The following RPP40 variants were observed in gnomAD, a reference collection of about 807,000 sequenced individuals.
RPP40 encodes the protein ribonuclease P/MRP subunit p40.
A neutral mutation model predicts 42.5 loss-of-function variants in RPP40; 30 were observed. The observed-to-expected ratio is 0.71, with a 90% CI of 0.53 to 0.96. RPP40 has a LOEUF of 0.96. RPP40 is among the 40% of genes least tolerant of loss of function. The probability of loss-of-function intolerance (pLI) is 0.00; values close to 1 mark genes in which losing one functional copy is unlikely to be tolerated. For missense variants in RPP40, 426 were observed against 433.5 expected (o/e 0.98, Z 0.15); for synonymous variants, 173 against 164.0 (o/e 1.05, Z -0.42).
At position 4,994,926 on chromosome 6, in the gene RPP40, A is replaced by C; in HGVS notation, c.*152T>G. The C allele has an allele frequency of 1.5e-6, 1 of 652,106 alleles. No homozygotes were observed. The highest frequency in any genetic ancestry group is 2.6e-6 in the Non-Finnish European group (1 of 384,164). The allele number at this position is 652,106 out of a possible 1,614,324, so 40.4% of individuals were successfully genotyped here. ...ACAGCAGGCCTTGCTGCCATCACAGATGGGTCTCAGGTGCAGGGCAGGATG... is the reference window on the plus strand; with the variant it reads ...ACAGCAGGCCTTGCTGCCATCACAGCTGGGTCTCAGGTGCAGGGCAGGATG... On this transcript the variant is annotated 3_prime_UTR_variant, in exon 8 of 8. Coordinates refer to ENST00000380051, the MANE Select transcript of RPP40 (RefSeq NM_006638.4).
chr6:4,994,386 TA>T (rs1199483901), downstream of RPP40, among the ~76,000 whole-genome samples: 3 of 112,652 alleles, frequency 2.7e-5, no homozygotes, highest in Admixed American at 9.3e-5. Flanking sequence ...CCCTAAAACT[TA>T]AAGTATAATA....
intron 4 of RPP40, among the ~76,000 whole-genome samples, chr6:4,999,533 ATGATCCGCCCGCCT>A (rs1759483645): frequency 1.3e-5 from 2 of 152,066 alleles, no homozygotes; most frequent in East Asian, 3.9e-4. Context: ...TCTTGACCTC[ATGATCCGCCCGCCT>A]TGGCCTGCCA....
Position 4,996,041 on chromosome 6 carries a change from T to A in RPP40, c.803A>T (p.Glu268Val). The A allele has an allele frequency of 6.2e-7, 1 of 1,614,110 alleles. No homozygotes were observed. The highest frequency in any genetic ancestry group is 8.5e-7 in the Non-Finnish European group (1 of 1,179,966). Residue 268 changes from glutamate (E) to valine (V), a missense_variant, in exon 7 of 8, where the codon GAG becomes GTG. By Grantham distance (121) the Glu-to-Val change is moderately radical. Transcript: ENST00000380051. ...AGCTTTTGCCACCACTGTGCTTGGC[T>A]CAGGACAGCAATAGGTTGATATGAA... Reference protein sequence around the residue: ...NNFISTYCCPEPSTVVAKAYL... With the variant: ...NNFISTYCCPVPSTVVAKAYL...
chr6:5,000,274 G>C (rs577528292), intron 3 of RPP40, among the ~76,000 whole-genome samples: 3 of 151,636 alleles, frequency 2.0e-5, no homozygotes, highest in Non-Finnish European at 4.4e-5. Flanking sequence ...TGCAACCTCC[G>C]CCTCCCAGGT....
In RPP40 at chr6:4,999,866, C is replaced by G. The variant is rs1759498471; in HGVS notation, c.376G>C (p.Glu126Gln). The change falls in exon 4 of 8, where the codon GAA (glutamate) becomes CAA (glutamine). Residue 126 changes from glutamate (E) to glutamine (Q), a missense_variant. Coordinates refer to ENST00000380051, the MANE Select transcript of RPP40 (RefSeq NM_006638.4). ...GATGGATGACCCTGAAGTCCAGTTTCTTCATAAGTGTCTTTATCCAGTGAC... is the reference window on the plus strand; with the variant it reads ...GATGGATGACCCTGAAGTCCAGTTTGTTCATAAGTGTCTTTATCCAGTGAC... ...ILSLDKDTYE[E>Q]TGLQGHPSQF... 1 of 1,609,540 alleles carries G rather than the reference C, an allele frequency of 6.2e-7. No homozygotes were observed. The highest frequency in any genetic ancestry group is 8.5e-7 in the Non-Finnish European group (1 of 1,176,402).
chr6:4,991,482 T>A (rs1418409748), downstream of RPP40, among the ~76,000 whole-genome samples: 2 of 152,146 alleles, frequency 1.3e-5, no homozygotes, highest in African/African-American at 2.4e-5. Context: ...TCAAGAAAAA[T>A]TTTCTGCTAT....
At position 4,998,781 on chromosome 6, in the gene RPP40, A is replaced by ATTCT; in HGVS notation, c.490_493dup (p.Ile165LysfsTer15). 1 of 1,527,600 alleles carries ATTCT rather than the reference A, an allele frequency of 6.5e-7. No homozygotes were observed. The highest frequency in any genetic ancestry group is 1.9e-5 in the Admixed American group (1 of 52,712). 94.6% of individuals were successfully genotyped at this position (1,527,600 alleles called of 1,614,324 possible). On this transcript the variant is annotated frameshift_variant, in exon 5 of 8. Coordinates refer to ENST00000380051, the MANE Select transcript of RPP40 (RefSeq NM_006638.4). LOFTEE classifies it high-confidence loss of function. ...CTTCTTTTCTTTGAAAGACCAAGAT[A>ATTCT]TTCTTTCATACTTCTTAGAATCCAA...
At chr6:4,995,494 A>G (rs1430713840) in intron 7 of RPP40, among the ~76,000 whole-genome samples, 1 of 152,242 alleles carries the variant, frequency 6.6e-6, no homozygotes, top group African/African-American at 2.4e-5. Context: ...AACAAACCTC[A>G]GCTGTTCCCA....
chr6:4,992,252 C>A (rs946723458), downstream of RPP40, among the ~76,000 whole-genome samples: 1 of 151,888 alleles, frequency 6.6e-6, no homozygotes, highest in Admixed American at 6.6e-5. Context: ...GCCTGTAATC[C>A]CAGCTACTCA....
chr6:5,001,974 T>C, intron 2 of RPP40, 127 bp downstream of exon 2: 1 of 769,454 alleles, frequency 1.3e-6, no homozygotes, highest in South Asian at 2.1e-5. Flanking sequence ...AGAACGCGTG[T>C]GCACCTGACC....
At chr6:5,002,391 T>A in intron 1 of RPP40, 146 bp from the exon 2 acceptor site, 1 of 658,754 alleles carries the variant, frequency 1.5e-6, no homozygotes, top group Non-Finnish European at 2.5e-6. Context: ...ACTCTTATGT[T>A]AACTTACCTA....
In RPP40 at chr6:4,998,743, C is replaced by T. The variant is rs554424144; in HGVS notation, c.532G>A (p.Asp178Asn). ...SFKEKKPLKF[D>N]FLLAWHKTGS... The stretch of plus-strand genomic sequence containing the variant: ...GTTTTATGCCAAGCCAAAAGAAAAT[C>T]AAATTTCAATGGCTTCTTTTCTTTG... The change falls in exon 5 of 8, where the codon GAT (aspartate) becomes AAT (asparagine). Residue 178 changes from aspartate to asparagine, a missense_variant. Physicochemically the swap from Asp to Asn is conservative, Grantham distance 23. Coordinates refer to ENST00000380051, the MANE Select transcript of RPP40 (RefSeq NM_006638.4). 30 of 1,558,458 alleles carry T rather than the reference C, an allele frequency of 1.9e-5. 1 individual carries two copies. The Admixed American group carries it at 4.0e-4, about 21-fold the overall frequency.
chr6:4,998,692 C>G, intron 5 of RPP40, 24 bp downstream of exon 5: 1 of 1,460,788 alleles, frequency 6.8e-7, no homozygotes, highest in African/African-American at 1.4e-5. Flanking sequence ...ATCACTGTAT[C>G]ATTACATAAT....
intron 1 of RPP40, among the ~76,000 whole-genome samples, chr6:5,003,363 A>AG (rs1759638037): frequency 2.0e-5 from 3 of 149,714 alleles, no homozygotes; most frequent in East Asian, 2.0e-4. Flanking sequence ...AAAAAAAAAA[A>AG]AAAAGGAAAA....
In RPP40 at chr6:4,995,195, T is replaced by C. The variant is rs1416213321; in HGVS notation, c.975A>G (p.Glu325=). Residue 325 remains glutamate, a synonymous_variant, in exon 8 of 8, where the codon GAA becomes GAG. Coordinates refer to ENST00000380051, the MANE Select transcript of RPP40 (RefSeq NM_006638.4). The stretch of plus-strand genomic sequence containing the variant: ...CTTTTCGAAAACCATGTTCATTTTT[T>C]TCCCAAGAAACAGGGCTGTCTGCAA... ...QGFADSPVSW[E]KNEHGFRKGG... is the part of the protein sequence containing the mutation. The C allele has an allele frequency of 6.2e-7, 1 of 1,614,198 alleles. No individual in the cohort carries two copies. The highest frequency in any genetic ancestry group is 8.5e-7 in the Non-Finnish European group (1 of 1,180,012).
rs771456445 is a variant in RPP40 at position 4,996,008 on chromosome 6, C to A, written c.836G>T (p.Cys279Phe). ...PSTVVAKAYL[C>F]TITGFILPEK... is the part of the protein sequence containing the mutation. Reference sequence around the variant, plus strand: ...TGGAAGTATGAAGCCAGTGATTGTACACAAATAAGCTTTTGCCACCACTGT... The same window carrying A: ...TGGAAGTATGAAGCCAGTGATTGTAAACAAATAAGCTTTTGCCACCACTGT... The change falls in exon 7 of 8, where the codon TGT becomes TTT. Residue 279 changes from cysteine to phenylalanine, a missense_variant. Physicochemically the swap from Cys to Phe is radical, Grantham distance 205. Transcript: ENST00000380051. The A allele has an allele frequency of 6.2e-7, 1 of 1,613,998 alleles. No homozygotes were observed. The highest frequency in any genetic ancestry group is 8.5e-7 in the Non-Finnish European group (1 of 1,179,876).
chr6:4,990,650 A>ATT (rs34478088), downstream of RPP40, among the ~76,000 whole-genome samples: 937 of 131,528 alleles, frequency 7.1e-3, 6 homozygotes, highest in Middle Eastern at 0.02. Flanking sequence ...TGCCTGGCTA[A>ATT]TTTTTTTTTT....
Position 4,999,865 on chromosome 6 carries a change from T to G in RPP40, c.377A>C (p.Glu126Ala). The change falls in exon 4 of 8, where the codon GAA (glutamate) becomes GCA (alanine). Residue 126 changes from glutamate (E) to alanine (A), a missense_variant. Physicochemically the swap from Glu to Ala is moderately radical, Grantham distance 107. Transcript: ENST00000380051. ...AGATGGATGACCCTGAAGTCCAGTT[T>G]CTTCATAAGTGTCTTTATCCAGTGA... ...ILSLDKDTYE[E>A]TGLQGHPSQF... 6.2e-7 allele frequency: 1 copy of G among 1,609,914 alleles called. No individual in the cohort carries two copies. Among genetic ancestry groups the G allele is most frequent in the Middle Eastern group, 1.7e-4 (1 of 6,054 alleles).
chr6:4,994,329 T>C (rs1340444976), downstream of RPP40, among the ~76,000 whole-genome samples: 1 of 151,948 alleles, frequency 6.6e-6, no homozygotes, highest in African/African-American at 2.4e-5. Context: ...CACACCAACA[T>C]GGCACATGTA....
Sources: allele counts gnomAD v4.1 joint callset (sites outside exome capture counted in the v4.1 genomes callset), GRCh38; gene constraint gnomAD v4.1.1; transcripts MANE v1.5; gene names NCBI Gene and HGNC (gene_info 2026-07-23, HGNC 2026-07-21).